PDE7B: variants seen among roughly 807,000 people sequenced by gnomAD.
PDE7B encodes the protein phosphodiesterase 7B, also known as 3',5'-cyclic-AMP phosphodiesterase 7B.
A neutral mutation model predicts 56.2 loss-of-function variants in PDE7B; 29 were observed. That is an observed-to-expected ratio of 0.52 (90% CI 0.38 to 0.70). The LOEUF (loss-of-function observed/expected upper bound fraction) is 0.70, where lower values mean the gene tolerates loss of function less well. Ranked by LOEUF, PDE7B falls within the 30% of genes least tolerant of loss-of-function variation. The pLI, the probability that PDE7B is intolerant of heterozygous loss-of-function variation, is 0.00. For missense variants in PDE7B, 490 were observed against 565.0 expected (o/e 0.87, Z 1.35); for synonymous variants, 197 against 196.9 (o/e 1.00, Z 0.00).
chr6:135,866,659 A>T (rs1352073653), intron 1 of PDE7B, among the ~76,000 whole-genome samples: 3 of 152,188 alleles, frequency 2.0e-5, no homozygotes, highest in Non-Finnish European at 4.4e-5. Flanking sequence ...TTTCTTGTAT[A>T]GTCGCTGATA....
intron 1 of PDE7B, among the ~76,000 whole-genome samples, chr6:135,901,545 C>G (rs994496152): frequency 1.3e-5 from 2 of 152,076 alleles, no homozygotes; most frequent in Non-Finnish European, 2.9e-5. Flanking sequence ...TTGGGGTACT[C>G]TCTTCTTCCT....
chr6:136,090,400 A>G (rs1414399976), intron 2 of PDE7B, among the ~76,000 whole-genome samples: 3 of 152,248 alleles, frequency 2.0e-5, no homozygotes, highest in African/African-American at 7.2e-5. Flanking sequence ...TTGTTGGGAT[A>G]TGAAATGGCT....
chr6:136,178,968 G>A (rs751302863), intron 9 of PDE7B, 29 bp from the exon 10 acceptor site: 1 of 1,613,184 alleles, frequency 6.2e-7, no homozygotes, highest in Non-Finnish European at 8.5e-7. Flanking sequence ...CTTTGTGTGT[G>A]TTTTTCTCTT....
intron 11 of PDE7B, among the ~76,000 whole-genome samples, chr6:136,183,607 AAAAAAG>A (rs1286936905): frequency 6.6e-6 from 1 of 150,696 alleles, no homozygotes; most frequent in African/African-American, 2.4e-5. Flanking sequence ...AAAAAAAAAA[AAAAAAG>A]AAAAAGAAAA....
At chr6:136,075,450 G>A (rs1224082602) in intron 2 of PDE7B, among the ~76,000 whole-genome samples, 1 of 152,128 alleles carries the variant, frequency 6.6e-6, no homozygotes, top group African/African-American at 2.4e-5. Context: ...TAGCACAATC[G>A]CTGGAACACA....
At chr6:136,140,941 A>T (rs1778313890) in intron 3 of PDE7B, among the ~76,000 whole-genome samples, 1 of 151,880 alleles carries the variant, frequency 6.6e-6, no homozygotes, top group African/African-American at 2.4e-5. Flanking sequence ...TCTTTTCCTG[A>T]TTGAATACCC....
intron 1 of PDE7B, among the ~76,000 whole-genome samples, chr6:135,859,679 C>T (rs1407570574): frequency 6.6e-6 from 1 of 151,652 alleles, no homozygotes; most frequent in African/African-American, 2.4e-5. Context: ...TGTGTGGGTG[C>T]ATGAGAGAGG....
At chr6:136,145,478 G>T (rs1353989065) in intron 3 of PDE7B, among the ~76,000 whole-genome samples, 1 of 152,082 alleles carries the variant, frequency 6.6e-6, no homozygotes, top group African/African-American at 2.4e-5. Context: ...TTAGCAAAAA[G>T]TCATATTTAA....
At chr6:135,923,855 A>G (rs1254656703) in intron 1 of PDE7B, among the ~76,000 whole-genome samples, 1 of 152,232 alleles carries the variant, frequency 6.6e-6, no homozygotes, top group Non-Finnish European at 1.5e-5. Context: ...TGAAACAATT[A>G]CTATTACCAA....
At chr6:135,950,707 G>A (rs1437994849) in intron 2 of PDE7B, among the ~76,000 whole-genome samples, 3 of 152,078 alleles carry the variant, frequency 2.0e-5, no homozygotes, top group Non-Finnish European at 2.9e-5. Flanking sequence ...CAGTTGGGGT[G>A]GAATCTGGAG....
intron 2 of PDE7B, among the ~76,000 whole-genome samples, chr6:136,020,002 G>C (rs1776043698): frequency 6.6e-6 from 1 of 152,154 alleles, no homozygotes; most frequent in African/African-American, 2.4e-5. Context: ...TCGAACCTAT[G>C]TTATTCAAGG....
At chr6:135,854,502 G>T (rs947378244) in intron 1 of PDE7B, among the ~76,000 whole-genome samples, 2 of 152,184 alleles carry the variant, frequency 1.3e-5, no homozygotes, top group Admixed American at 6.5e-5. Flanking sequence ...AGCTTAGTAG[G>T]TATCTATGTT....
chr6:136,031,033 GA>G (rs1442144472), intron 2 of PDE7B, among the ~76,000 whole-genome samples: 3 of 152,236 alleles, frequency 2.0e-5, no homozygotes, highest in Admixed American at 2.0e-4. Context: ...AATGTCCCCA[GA>G]TACAGCCTTT....
intron 2 of PDE7B, among the ~76,000 whole-genome samples, chr6:136,019,407 G>A (rs1340776291): frequency 1.3e-5 from 2 of 151,888 alleles, no homozygotes; most frequent in Admixed American, 6.6e-5. Flanking sequence ...AAAAAGAAAA[G>A]GCCATCAAAC....
intron 2 of PDE7B, among the ~76,000 whole-genome samples, chr6:136,100,248 G>A (rs2128217079): frequency 6.6e-6 from 1 of 152,260 alleles, no homozygotes; most frequent in Middle Eastern, 3.4e-3. Context: ...GATTGTCTTG[G>A]CTATGCAGGC....
chr6:136,079,277 T>G (rs1777170581), intron 2 of PDE7B, among the ~76,000 whole-genome samples: 1 of 152,196 alleles, frequency 6.6e-6, no homozygotes, highest in Non-Finnish European at 1.5e-5. Context: ...TACTCTGGCT[T>G]TGTTCTCCGT....
intron 2 of PDE7B, among the ~76,000 whole-genome samples, chr6:136,018,838 T>G (rs554094767): frequency 6.6e-6 from 1 of 152,042 alleles, no homozygotes; most frequent in Non-Finnish European, 1.5e-5. Context: ...AAATCCTTAT[T>G]TCAAGAAACT....
At chr6:135,987,020 C>T (rs1047972034) in intron 2 of PDE7B, among the ~76,000 whole-genome samples, 3 of 152,160 alleles carry the variant, frequency 2.0e-5, no homozygotes, top group Non-Finnish European at 4.4e-5. Context: ...AACTTTCTAG[C>T]TTTCTGTTAT....
chr6:136,088,440 C>T (rs1271699277), intron 2 of PDE7B, among the ~76,000 whole-genome samples: 1 of 152,098 alleles, frequency 6.6e-6, no homozygotes, highest in Non-Finnish European at 1.5e-5. Context: ...CTGGATGCCC[C>T]TGAATCCAGG....
Sources: allele counts gnomAD v4.1 joint callset (sites outside exome capture counted in the v4.1 genomes callset), GRCh38; gene constraint gnomAD v4.1.1; transcripts MANE v1.5; gene names NCBI Gene and HGNC (gene_info 2026-07-23, HGNC 2026-07-21).